Variants in NUDT6 observed in about 807,000 individuals in gnomAD.
The protein encoded by NUDT6 is nudix hydrolase 6.
A neutral mutation model predicts 36.8 loss-of-function variants in NUDT6; 24 were observed. That is an observed-to-expected ratio of 0.65 (90% CI 0.47 to 0.92). NUDT6 has a LOEUF of 0.92. NUDT6 is among the 40% of genes least tolerant of loss of function. The pLI is 0.00. For missense variants in NUDT6, 388 were observed against 392.8 expected (o/e 0.99, Z 0.10); for synonymous variants, 163 against 157.0 (o/e 1.04, Z -0.29).
chr4:122,918,815 G>A (rs528056918), intron 1 of NUDT6: 2 of 152,274 alleles, frequency 1.3e-5, no homozygotes, highest in South Asian at 4.1e-4. Context: ...CTCTTTGTCT[G>A]ATGACATCTT....
chr4:122,920,979 A>G (rs1458128983), intron 1 of NUDT6: 2 of 152,192 alleles, frequency 1.3e-5, no homozygotes, highest in African/African-American at 4.8e-5. Flanking sequence ...AGATTTTTCC[A>G]TAGTTGAATT....
intron 2 of NUDT6, among the ~76,000 whole-genome samples, chr4:122,916,350 T>C (rs1578499724): frequency 6.6e-6 from 1 of 152,236 alleles, no homozygotes; most frequent in East Asian, 1.9e-4. Context: ...AAAATTCTAC[T>C]CTACACTTAA....
chr4:122,902,941 C>G (rs1727553017), intron 3 of NUDT6, among the ~76,000 whole-genome samples: 1 of 152,104 alleles, frequency 6.6e-6, no homozygotes, highest in African/African-American at 2.4e-5. Flanking sequence ...AGGAGAGCAA[C>G]TGGCTTGGAT....
At chr4:122,912,514 C>G in intron 3 of NUDT6, 54 bp downstream of exon 3, 1 of 1,237,976 alleles carries the variant, frequency 8.1e-7, no homozygotes, top group Non-Finnish European at 1.2e-6. Context: ...TTTTATTCTT[C>G]TCTAGAAAGA....
Position 122,892,845 on chromosome 4 carries a change from T to A in NUDT6, c.934A>T (p.Met312Leu). 1.2e-6 allele frequency: 2 copies of A among 1,602,282 alleles called. No homozygotes were observed. The highest frequency in any genetic ancestry group is 1.7e-6 in the Non-Finnish European group (2 of 1,173,148). Reference protein sequence around the residue: ...HKELPENYKTMKGID With the variant: ...HKELPENYKTLKGID ...ATGTGAATTTAATCAATTCCTTTCA[T>A]AGTTTTATAATTCTCTGGCAGTTCC... The change falls in exon 5 of 5, where the codon ATG becomes TTG. Residue 312 changes from methionine to leucine, a missense_variant. Transcript: ENST00000304430.
chr4:122,906,662 A>C (rs1727621692), intron 3 of NUDT6, among the ~76,000 whole-genome samples: 1 of 152,154 alleles, frequency 6.6e-6, no homozygotes, highest in African/African-American at 2.4e-5. Flanking sequence ...CCCATCTTGT[A>C]AAGAGGCTAG....
chr4:122,909,023 A>T (rs1209668311), intron 3 of NUDT6, among the ~76,000 whole-genome samples: 3 of 151,696 alleles, frequency 2.0e-5, no homozygotes, highest in Non-Finnish European at 4.4e-5. Context: ...AGAACTGATA[A>T]TTACTCTATA....
chr4:122,917,368 G>C, intron 2 of NUDT6, 133 bp downstream of exon 2: 2 of 784,454 alleles, frequency 2.5e-6, no homozygotes, highest in Non-Finnish European at 4.2e-6. Flanking sequence ...TGTGCAGATA[G>C]GGTGGAACCA....
intron 4 of NUDT6, chr4:122,894,937 T>C (rs1727304584): frequency 6.6e-6 from 1 of 152,230 alleles, no homozygotes; most frequent in Non-Finnish European, 1.5e-5. Flanking sequence ...ATGTAGCTCA[T>C]GATCTATGCT....
intron 3 of NUDT6, among the ~76,000 whole-genome samples, chr4:122,907,053 T>C (rs1727629568): frequency 6.6e-6 from 1 of 152,212 alleles, no homozygotes; most frequent in Non-Finnish European, 1.5e-5. Flanking sequence ...GTTTAGCATA[T>C]ACTCAAGAAA....
At chr4:122,915,469 C>CAAAAAAAAAAAAAAA (rs61032259) in intron 2 of NUDT6, among the ~76,000 whole-genome samples, 6 of 42,250 alleles carry the variant, frequency 1.4e-4, no homozygotes, top group African/African-American at 4.0e-4. Flanking sequence ...GACCCTGCCT[C>CAAAAAAAAAAAAAAA]AAAAAAAAAA....
chr4:122,905,185 C>T (rs1727595992), intron 3 of NUDT6, among the ~76,000 whole-genome samples: 1 of 152,182 alleles, frequency 6.6e-6, no homozygotes, highest in African/African-American at 2.4e-5. Flanking sequence ...TTAGAATCTT[C>T]TAGTTAGGCA....
chr4:122,900,887 A>T (rs1272567624), intron 3 of NUDT6, among the ~76,000 whole-genome samples: 1 of 152,058 alleles, frequency 6.6e-6, no homozygotes, highest in Non-Finnish European at 1.5e-5. Flanking sequence ...TTTATTTCTT[A>T]GCTAGTGATC....
rs765178237 is a variant in NUDT6, at chr4:122,893,033, A to G, written c.746T>C (p.Met249Thr). 6.2e-7 allele frequency: 1 copy of G among 1,614,168 alleles called. No homozygotes were observed. The change falls in exon 5 of 5, where the codon ATG becomes ACG. Residue 249 changes from methionine (M) to threonine (T), a missense_variant. Physicochemically the swap from Met to Thr is moderately conservative, Grantham distance 81 (BLOSUM62 -1). Transcript: ENST00000304430. ...AGTCTTCGCCAGGTCATTGAGATCC[A>G]TCCACTCACATCTTAAGCATTCTTC... ...CQEECLRCEW[M>T]DLNDLAKTEN...
At chr4:122,915,487 A>AAAAAAAAAC (rs1560773935) in intron 2 of NUDT6, among the ~76,000 whole-genome samples, 11 of 139,518 alleles carry the variant, frequency 7.9e-5, no homozygotes, top group African/African-American at 2.9e-4. Context: ...AAAAAAAAAA[A>AAAAAAAAAC]AAAAAAAAAA....
chr4:122,922,421 T>G lies in NUDT6; in HGVS notation c.152A>C (p.Asp51Ala). 1 of 1,611,524 alleles carries G rather than the reference T, an allele frequency of 6.2e-7. No homozygotes were observed. Among genetic ancestry groups the G allele is most frequent in the East Asian group, 2.2e-5 (1 of 44,832 alleles). The change falls in exon 1 of 5, where the codon GAC (aspartate) becomes GCC (alanine). Residue 51 changes from aspartate to alanine, a missense_variant. Transcript: ENST00000304430. ...VGACDLQGEL[D>A]RFGGISVRLA... ...GCGCACCGAGATGCCCCCGAATCTG[T>G]CCAGCTCGCCCTGCAGATCGCACGC...
chr4:122,922,719 G>C, upstream of NUDT6: 1 of 698,842 alleles, frequency 1.4e-6, no homozygotes. Context: ...CAAGGAGACC[G>C]CGAAGTGGTC....
chr4:122,922,567 C>T lies in NUDT6; in HGVS notation c.6G>A (p.Arg2=), dbSNP rs775518617. 9.5e-5 allele frequency: 152 copies of T among 1,593,450 alleles called. 1 individual carries two copies. The East Asian group carries it at 2.2e-3, about 23-fold the overall frequency. The change falls in exon 1 of 5, where the codon CGG becomes CGA. Residue 2 remains arginine (R), a synonymous_variant. Transcript: ENST00000304430. M[R]QPLSWGRWRA... is the part of the protein sequence containing the mutation. ...GCCAGCGGCCCCAGCTCAGTGGCTGCCGCATCTCCACGCCGCTTAATTCGT... is the reference window on the plus strand; with the variant it reads ...GCCAGCGGCCCCAGCTCAGTGGCTGTCGCATCTCCACGCCGCTTAATTCGT...
intron 3 of NUDT6, among the ~76,000 whole-genome samples, chr4:122,910,669 A>T (rs1211961800): frequency 6.6e-6 from 1 of 152,188 alleles, no homozygotes; most frequent in African/African-American, 2.4e-5. Flanking sequence ...ATCACATTTT[A>T]TCCATATATT....
Sources: allele counts gnomAD v4.1 joint callset (sites outside exome capture counted in the v4.1 genomes callset), GRCh38; gene constraint gnomAD v4.1.1; transcripts MANE v1.5; gene names NCBI Gene and HGNC (gene_info 2026-07-23, HGNC 2026-07-21).